The following SH2D1B variants were observed in gnomAD, a reference collection of about 807,000 sequenced individuals.
The protein encoded by SH2D1B is SH2 domain-containing protein 1B.
In SH2D1B, 11 loss-of-function variants were observed where a neutral mutation model predicts 16.3. That is an observed-to-expected ratio of 0.67 (90% CI 0.42 to 1.11). SH2D1B has a LOEUF of 1.11. Among genes scored for constraint, SH2D1B ranks in the 50% most tolerant of loss-of-function variants. SH2D1B has a pLI of 0.00. For synonymous variants in SH2D1B, 55 were observed against 56.1 expected, an observed-to-expected ratio of 0.98 and a Z score of 0.09; for missense variants, 123 against 153.1, an observed-to-expected ratio of 0.80 and a Z score of 1.04.
chr1:162,404,377 G>T (rs894791590), intron 1 of SH2D1B, among the ~76,000 whole-genome samples: 5 of 152,004 alleles, frequency 3.3e-5, no homozygotes, highest in Non-Finnish European at 5.9e-5. Context: ...TTATATTTTT[G>T]AAAAATGCTG....
At chr1:162,399,437 A>C (rs1380298453) in intron 2 of SH2D1B, among the ~76,000 whole-genome samples, 1 of 152,174 alleles carries the variant, frequency 6.6e-6, no homozygotes, top group Non-Finnish European at 1.5e-5. Context: ...GGGCTTTGCT[A>C]TCTTAAGGGA....
chr1:162,407,971 C>T (rs1648689458), intron 1 of SH2D1B, among the ~76,000 whole-genome samples: 1 of 152,192 alleles, frequency 6.6e-6, no homozygotes, highest in Non-Finnish European at 1.5e-5. Context: ...GTCTCAGCTC[C>T]AATATCTGGT....
intron 1 of SH2D1B, among the ~76,000 whole-genome samples, chr1:162,410,231 T>A (rs1648760712): frequency 6.6e-6 from 1 of 152,200 alleles, no homozygotes. Flanking sequence ...TTAGCCAGAA[T>A]CCACTTTACC....
At chr1:162,402,676 T>C (rs1648547579) in intron 2 of SH2D1B, 63 bp downstream of exon 2, 2 of 1,372,624 alleles carry the variant, frequency 1.5e-6, no homozygotes, top group African/African-American at 1.4e-5. Context: ...GTAAAAGACA[T>C]GTTCCCAGGT....
intron 1 of SH2D1B, among the ~76,000 whole-genome samples, chr1:162,410,268 T>G (rs759679072): frequency 6.6e-6 from 1 of 152,200 alleles, no homozygotes; most frequent in Admixed American, 6.5e-5. Flanking sequence ...AGTAATTTTC[T>G]GTCTACCGAC....
Position 162,402,779 on chromosome 1 carries a change from T to A in SH2D1B, c.158A>T (p.Tyr53Phe). 1 of 1,614,044 alleles carries A rather than the reference T, an allele frequency of 6.2e-7. No individual in the cohort carries two copies. Among genetic ancestry groups the A allele is most frequent in the Non-Finnish European group, 8.5e-7 (1 of 1,179,870 alleles). Residue 53 changes from tyrosine (Y) to phenylalanine (F), a missense_variant, in exon 2 of 4, where the codon TAC (tyrosine) becomes TTC (phenylalanine). Coordinates refer to ENST00000367929, the MANE Select transcript of SH2D1B (RefSeq NM_053282.5). ...CCCGTGTTTCTCTCTGAAGATTCGG[T>A]ATGTGTAGACAATATTTTTAAACCT... ...CVSFKNIVYT[Y>F]RIFREKHGYY...
Position 162,397,293 on chromosome 1 carries a change from T to G in SH2D1B, c.386A>C (p.Asp129Ala). The change falls in exon 4 of 4, where the codon GAT (aspartate) becomes GCT (alanine). Residue 129 changes from aspartate to alanine, a missense_variant. By Grantham distance (126) the Asp-to-Ala change is moderately radical. Transcript: ENST00000367929. ...GCAGCCTTATCTTCAAGGCAAGACA[T>G]CCACATAATCGCTGTTACTGTTCTT... is the stretch of plus-strand genomic sequence containing the variant. ...TFVNSNSDYV[D>A]VLP 6.2e-7 allele frequency: 1 copy of G among 1,613,574 alleles called. No homozygotes were observed. The highest frequency in any genetic ancestry group is 1.1e-5 in the South Asian group (1 of 91,054).
intron 1 of SH2D1B, among the ~76,000 whole-genome samples, chr1:162,408,829 T>G (rs575128660): frequency 6.6e-6 from 1 of 152,018 alleles, no homozygotes; most frequent in African/African-American, 2.4e-5. Flanking sequence ...CAATATAGGC[T>G]GGGTGCAGTG....
At position 162,397,179 on chromosome 1, in the gene SH2D1B, T is replaced by A; in HGVS notation, c.*101A>T. The A allele has an allele frequency of 7.8e-7, 1 of 1,282,136 alleles. No individual in the cohort carries two copies. Among genetic ancestry groups the A allele is most frequent in the Non-Finnish European group, 1.1e-6 (1 of 883,932 alleles). The allele number at this position is 1,282,136 out of a possible 1,614,324, so 79.4% of individuals were successfully genotyped here. On this transcript the variant is annotated 3_prime_UTR_variant, in exon 4 of 4. Transcript: ENST00000367929. Reference sequence around the variant, plus strand: ...TACACAACCAGGAGAGTCTGAATTGTCCACTAGAGTTTGGTGCTCTGGACC... The same window carrying A: ...TACACAACCAGGAGAGTCTGAATTGACCACTAGAGTTTGGTGCTCTGGACC...
At chr1:162,397,445 G>A (rs164124) in intron 3 of SH2D1B, 130 bp from the exon 4 acceptor site, 588,903 of 905,384 alleles carry the variant, frequency 0.65, 195,613 homozygotes, top group Middle Eastern at 0.73. Flanking sequence ...CCTGAAAGTT[G>A]TATCTTTAAA....
At chr1:162,408,591 T>C (rs779391759) in intron 1 of SH2D1B, among the ~76,000 whole-genome samples, 18 of 151,936 alleles carry the variant, frequency 1.2e-4, no homozygotes, top group Admixed American at 1.0e-3. Flanking sequence ...TAGTTTTGTA[T>C]TTTTAGTAGA....
At chr1:162,399,504 C>A (rs1485405264) in intron 2 of SH2D1B, among the ~76,000 whole-genome samples, 1 of 152,168 alleles carries the variant, frequency 6.6e-6, no homozygotes, top group Non-Finnish European at 1.5e-5. Flanking sequence ...AAAATTCCAA[C>A]TGTTATTTTA....
chr1:162,410,464 G>A lies in SH2D1B; in HGVS notation c.134+1419C>T, dbSNP rs527984705. Among the ~76,000 whole-genome samples the A allele has an allele frequency of 1.1e-3, 173 of 152,218 alleles. 2 individuals carry two copies. Among genetic ancestry groups the A allele is most frequent in the African/African-American group, 4.0e-3 (165 of 41,540 alleles). On this transcript the variant is annotated intron_variant, in intron 1 of 3. Coordinates refer to ENST00000367929, the MANE Select transcript of SH2D1B (RefSeq NM_053282.5). ...TGAGTAATTTTTTTCTTTAACAAGA[G>A]ACATTTGGATTTTAATTTCTGTTAC...
intron 2 of SH2D1B, among the ~76,000 whole-genome samples, chr1:162,402,254 T>C (rs1361849821): frequency 7.5e-6 from 1 of 132,854 alleles, no homozygotes; most frequent in Non-Finnish European, 1.7e-5. Flanking sequence ...GGCTCACGCC[T>C]GTAATCCCAG....
At chr1:162,401,489 T>C (rs574871015) in intron 2 of SH2D1B, among the ~76,000 whole-genome samples, 8 of 152,342 alleles carry the variant, frequency 5.3e-5, no homozygotes, top group Non-Finnish European at 8.8e-5. Context: ...TTTCCAAATA[T>C]ATACACATAT....
In SH2D1B at chr1:162,402,817, A is replaced by T; in HGVS notation, c.135-15T>A. On this transcript the variant is annotated splice_polypyrimidine_tract_variant and intron_variant, in intron 1 of 3. Transcript: ENST00000367929. The stretch of plus-strand genomic sequence containing the variant: ...TATTTTTAAACCTGTGGAAAAAATG[A>T]CTGTGTGAATCAAAATGTTCTATGC... 1 of 1,605,426 alleles carries T rather than the reference A, an allele frequency of 6.2e-7. No homozygotes were observed. The highest frequency in any genetic ancestry group is 8.5e-7 in the Non-Finnish European group (1 of 1,172,116).
In SH2D1B at chr1:162,411,886, A is replaced by T; in HGVS notation, c.131T>A (p.Val44Asp). 1 of 1,614,124 alleles carries T rather than the reference A, an allele frequency of 6.2e-7. No individual in the cohort carries two copies. The highest frequency in any genetic ancestry group is 1.7e-4 in the Middle Eastern group (1 of 6,004). The change falls in exon 1 of 4, where the codon GTC (valine) becomes GAC (aspartate). Residue 44 changes from valine to aspartate, a missense_variant. By Grantham distance (152) the Val-to-Asp change is radical. Coordinates refer to ENST00000367929, the MANE Select transcript of SH2D1B (RefSeq NM_053282.5). ...TGTGCAAGATGAGGCTACTCACGAG[A>T]CACAGAGGCACAGGACTCCTGGTAT... is the stretch of plus-strand genomic sequence containing the variant. The part of the protein sequence containing the change: ...ESIPGVLCLC[V>D]SFKNIVYTYR...
intron 2 of SH2D1B, among the ~76,000 whole-genome samples, chr1:162,400,038 A>G (rs946887476): frequency 6.6e-6 from 1 of 152,188 alleles, no homozygotes; most frequent in Non-Finnish European, 1.5e-5. Context: ...CATGGTGTAT[A>G]TGTACCACAT....
intron 1 of SH2D1B, among the ~76,000 whole-genome samples, chr1:162,405,758 G>T (rs1648641049): frequency 6.6e-6 from 1 of 152,164 alleles, no homozygotes; most frequent in African/African-American, 2.4e-5. Context: ...CTCAGTTGAG[G>T]TTCAAAAAGG....
Sources: allele counts gnomAD v4.1 joint callset (sites outside exome capture counted in the v4.1 genomes callset), GRCh38; gene constraint gnomAD v4.1.1; transcripts MANE v1.5; gene names NCBI Gene and HGNC (gene_info 2026-07-23, HGNC 2026-07-21).